Variants in CACNA1E observed in about 807,000 individuals in gnomAD.
The protein encoded by CACNA1E is voltage-dependent R-type calcium channel subunit alpha-1E.
Under a neutral mutation model 259.2 loss-of-function variants are expected in CACNA1E, and 40 were observed. The observed-to-expected ratio is 0.15, with a 90% CI of 0.12 to 0.20. CACNA1E has a LOEUF of 0.20. Ranked by LOEUF, CACNA1E falls within the 10% of genes least tolerant of loss-of-function variation. CACNA1E has a pLI of 1.00. For missense variants in CACNA1E, 1,874 were observed against 3,040.1 expected (o/e 0.62, Z 9.02); for synonymous variants, 1,104 against 1,138.5 (o/e 0.97, Z 0.61).
chr1:181,752,585 G>A (rs1657690513), intron 27 of CACNA1E, among the ~76,000 whole-genome samples: 1 of 152,184 alleles, frequency 6.6e-6, no homozygotes. Flanking sequence ...GAAGCAACGG[G>A]ATCCCTCTGT....
chr1:181,646,828 CGCAGGGAGTGGGTGA>C (rs1658309966), intron 6 of CACNA1E, among the ~76,000 whole-genome samples: 1 of 152,210 alleles, frequency 6.6e-6, no homozygotes, highest in African/African-American at 2.4e-5. Context: ...TGCCTGTTTA[CGCAGGGAGTGGGTGA>C]GCTCACCACC....
At chr1:181,569,138 T>A (rs1320988921) in intron 3 of CACNA1E, among the ~76,000 whole-genome samples, 1 of 152,218 alleles carries the variant, frequency 6.6e-6, no homozygotes, top group South Asian at 2.1e-4. Context: ...GACCTTTCGC[T>A]TATCATAATT....
intron 1 of CACNA1E, among the ~76,000 whole-genome samples, chr1:181,330,687 C>A (rs565553268): frequency 6.6e-6 from 1 of 152,288 alleles, no homozygotes; most frequent in African/African-American, 2.4e-5. Context: ...AACGTAGTGT[C>A]AGAAAAGCAA....
chr1:181,571,275 G>A (rs752196816), intron 3 of CACNA1E, among the ~76,000 whole-genome samples: 2 of 152,226 alleles, frequency 1.3e-5, no homozygotes, highest in South Asian at 2.1e-4. Context: ...ACTGAAGAGC[G>A]TGTGCCTTAT....
intron 2 of CACNA1E, among the ~76,000 whole-genome samples, chr1:181,433,007 T>C (rs1659821585): frequency 6.6e-6 from 1 of 152,214 alleles, no homozygotes; most frequent in South Asian, 2.1e-4. Flanking sequence ...ATGCTGTGTA[T>C]AATTTACCCT....
intron 1 of CACNA1E, among the ~76,000 whole-genome samples, chr1:181,328,066 G>T (rs1010562195): frequency 6.6e-6 from 1 of 152,222 alleles, no homozygotes; most frequent in Non-Finnish European, 1.5e-5. Flanking sequence ...TCAGAAGCAA[G>T]TGTCTTTGTT....
chr1:181,739,543 A>G (rs1338104946), intron 25 of CACNA1E, among the ~76,000 whole-genome samples: 1 of 152,164 alleles, frequency 6.6e-6, no homozygotes, highest in Non-Finnish European at 1.5e-5. Context: ...GCAGGCACTC[A>G]CAGTGTGGAC....
intron 17 of CACNA1E, among the ~76,000 whole-genome samples, chr1:181,725,754 C>G (rs1286382097): frequency 6.6e-6 from 1 of 152,226 alleles, no homozygotes; most frequent in Non-Finnish European, 1.5e-5. Context: ...ACAGCCATAG[C>G]CAGCTCCACT....
intron 6 of CACNA1E, among the ~76,000 whole-genome samples, chr1:181,586,548 T>C (rs1652086690): frequency 6.6e-6 from 1 of 152,082 alleles, no homozygotes; most frequent in African/African-American, 2.4e-5. Flanking sequence ...AAACCTGGTG[T>C]CCTGGGGCCA....
At chr1:181,385,703 CCTTA>C (rs1406295970) in intron 1 of CACNA1E, among the ~76,000 whole-genome samples, 11 of 152,110 alleles carry the variant, frequency 7.2e-5, no homozygotes, top group African/African-American at 2.6e-4. Context: ...CTTTTGTTTT[CCTTA>C]CTTTTATTTC....
rs1374115637 is a variant in CACNA1E at position 181,344,340 on chromosome 1, A to G, written c.-15+26217A>G. Among the ~76,000 whole-genome samples, 4 of 152,318 alleles carry G rather than the reference A, an allele frequency of 2.6e-5. No homozygotes were observed. The East Asian group carries it at 7.7e-4, about 29-fold the overall frequency. On this transcript the variant is annotated intron_variant, in intron 1 of 11. Coordinates refer to the CACNA1E transcript ENST00000524607. ...CAGGCACTGCTCTTTCTCTCCACCC[A>G]AAACATGCTTGGTCTTGCTACTTCT...
At chr1:181,586,969 T>C (rs906051710) in intron 6 of CACNA1E, among the ~76,000 whole-genome samples, 1 of 151,846 alleles carries the variant, frequency 6.6e-6, no homozygotes, top group African/African-American at 2.4e-5. Context: ...GGGAGGAGAA[T>C]TGGTGGAGTG....
At chr1:181,497,632 G>A (rs1054561403) in intron 1 of CACNA1E, among the ~76,000 whole-genome samples, 7 of 152,206 alleles carry the variant, frequency 4.6e-5, no homozygotes, top group Non-Finnish European at 7.3e-5. Flanking sequence ...TTTTATAGAT[G>A]ATTAGCTTAA....
At chr1:181,458,617 T>A (rs1229733911) in intron 2 of CACNA1E, among the ~76,000 whole-genome samples, 1 of 152,212 alleles carries the variant, frequency 6.6e-6, no homozygotes, top group African/African-American at 2.4e-5. Flanking sequence ...CTGAATGCCC[T>A]TGACACCTAT....
At chr1:181,419,487 A>C (rs974739306) in intron 2 of CACNA1E, among the ~76,000 whole-genome samples, 5 of 151,508 alleles carry the variant, frequency 3.3e-5, no homozygotes, top group African/African-American at 7.3e-5. Flanking sequence ...CCCCATTGTC[A>C]CTCTCTTTCC....
intron 6 of CACNA1E, among the ~76,000 whole-genome samples, chr1:181,600,177 C>A (rs1008987069): frequency 3.3e-5 from 5 of 152,112 alleles, no homozygotes; most frequent in Non-Finnish European, 7.3e-5. Flanking sequence ...GGAGAGCCAG[C>A]AAGTGCAGGG....
At position 181,776,425 on chromosome 1, in the gene CACNA1E, T is replaced by A; in HGVS notation, c.5267+197T>A. ...GACTTCTGTATCCTCCTTTCCCCTC[T>A]CTTTCCTTCTGTGACAGGGTTTTCC... On this transcript the variant is annotated intron_variant, in intron 38 of 47. Coordinates refer to ENST00000367573, the MANE Select transcript of CACNA1E (RefSeq NM_001205293.3). The surrounding 1 kb of genome is among the most constrained non-coding windows in gnomAD (Gnocchi z 4.4). The A allele has an allele frequency of 3.6e-6, 2 of 561,596 alleles. No homozygotes were observed. Among genetic ancestry groups the A allele is most frequent in the Non-Finnish European group, 6.4e-6 (2 of 314,360 alleles). 34.8% of individuals were successfully genotyped at this position (561,596 alleles called of 1,614,324 possible).
chr1:181,558,091 A>G (rs1451875750), intron 3 of CACNA1E, among the ~76,000 whole-genome samples: 1 of 152,250 alleles, frequency 6.6e-6, no homozygotes, highest in African/African-American at 2.4e-5. Flanking sequence ...GGAGAAGAGA[A>G]TAATTCCAGA....
chr1:181,530,861 G>C (rs1340889180), intron 3 of CACNA1E, among the ~76,000 whole-genome samples: 1 of 152,170 alleles, frequency 6.6e-6, no homozygotes, highest in Non-Finnish European at 1.5e-5. Context: ...TAAAATGGAA[G>C]AGAAGAGAAA....
Sources: gnomAD v4.1 joint callset for allele counts (sites outside exome capture counted in the v4.1 genomes callset) on GRCh38, gnomAD v4.1.1 for gene constraint, Gnocchi (gnomAD v3.1) non-coding constraint, MANE v1.5 for transcripts, NCBI Gene and HGNC (gene_info 2026-07-23, HGNC 2026-07-21) for gene names.